DISC1: variants seen among roughly 807,000 people sequenced by gnomAD.
DISC1 encodes disrupted in schizophrenia 1 protein.
DISC1 carries 57 observed loss-of-function variants against 84.5 expected under a neutral mutation model. That is an observed-to-expected ratio of 0.67 (90% CI 0.55 to 0.84). The LOEUF (loss-of-function observed/expected upper bound fraction) is 0.84. Ranked by LOEUF, DISC1 falls within the 40% of genes least tolerant of loss-of-function variation. The pLI is 0.00. For synonymous variants in DISC1, 411 were observed against 415.2 expected (o/e 0.99, Z 0.12); for missense variants, 1,000 against 1,057.8 (o/e 0.95, Z 0.76).
At chr1:231,695,477 A>C (rs987048010) in intron 2 of DISC1, among the ~76,000 whole-genome samples, 1 of 152,178 alleles carries the variant, frequency 6.6e-6, no homozygotes, top group Non-Finnish European at 1.5e-5. Context: ...GGAAGTAGGT[A>C]GGGTTCCTCT....
chr1:231,789,762 C>T (rs1228075727), intron 6 of DISC1, among the ~76,000 whole-genome samples: 2 of 152,034 alleles, frequency 1.3e-5, no homozygotes, highest in Non-Finnish European at 2.9e-5. Flanking sequence ...ATTCCATTTG[C>T]CCTTCTAATT....
intron 6 of DISC1, among the ~76,000 whole-genome samples, chr1:231,788,298 A>G (rs1259462443): frequency 2.0e-5 from 3 of 152,100 alleles, no homozygotes; most frequent in African/African-American, 7.2e-5. Context: ...AAAAACAAAA[A>G]AAGTCCAAGA....
At chr1:231,741,798 T>A (rs547025383) in intron 3 of DISC1, among the ~76,000 whole-genome samples, 1 of 152,340 alleles carries the variant, frequency 6.6e-6, no homozygotes, top group South Asian at 2.1e-4. Flanking sequence ...ACAGCAACTT[T>A]GCTTTTCTGG....
intron 9 of DISC1, among the ~76,000 whole-genome samples, chr1:231,914,032 G>T (rs1480552124): frequency 6.6e-6 from 1 of 152,202 alleles, no homozygotes; most frequent in African/African-American, 2.4e-5. Flanking sequence ...CTTGCAACAA[G>T]GAAGGAGTTC....
At chr1:232,002,877 A>G (rs190548376) in intron 10 of DISC1, among the ~76,000 whole-genome samples, 134 of 152,292 alleles carry the variant, frequency 8.8e-4, no homozygotes, top group Non-Finnish European at 5.7e-4. Flanking sequence ...ATAAAATCAC[A>G]TAAAACTATG....
At chr1:231,848,326 G>T (rs1191248983) in intron 9 of DISC1, among the ~76,000 whole-genome samples, 1 of 152,150 alleles carries the variant, frequency 6.6e-6, no homozygotes, top group Non-Finnish European at 1.5e-5. Flanking sequence ...GCACATAGAA[G>T]CCTTACTATA....
intron 9 of DISC1, among the ~76,000 whole-genome samples, chr1:231,857,145 C>G (rs570597142): frequency 1.3e-5 from 2 of 152,232 alleles, no homozygotes; most frequent in South Asian, 4.1e-4. Flanking sequence ...TGGGAAAAAC[C>G]TGCAGCTGTC....
chr1:231,918,003 T>A (rs2089754304), intron 9 of DISC1, among the ~76,000 whole-genome samples: 1 of 152,238 alleles, frequency 6.6e-6, no homozygotes, highest in African/African-American at 2.4e-5. Context: ...CTACAAACAC[T>A]AAAACAGCAA....
At chr1:231,663,008 C>A (rs979400526) in intron 1 of DISC1, among the ~76,000 whole-genome samples, 1 of 151,206 alleles carries the variant, frequency 6.6e-6, no homozygotes, top group African/African-American at 2.4e-5. Flanking sequence ...AAGAAACAAA[C>A]AAGCAAACGA....
At chr1:231,653,375 C>T (rs1026677386) in intron 1 of DISC1, among the ~76,000 whole-genome samples, 7 of 152,190 alleles carry the variant, frequency 4.6e-5, no homozygotes, top group African/African-American at 1.2e-4. Flanking sequence ...AGGCCCTCTC[C>T]AGCGTGTGGT....
chr1:231,737,364 T>A (rs1223357056), intron 3 of DISC1, among the ~76,000 whole-genome samples: 1 of 152,260 alleles, frequency 6.6e-6, no homozygotes, highest in Non-Finnish European at 1.5e-5. Context: ...ATATTATTGC[T>A]GTTCTTTTAG....
chr1:231,640,806 G>A (rs961860787), intron 1 of DISC1, among the ~76,000 whole-genome samples: 2 of 152,148 alleles, frequency 1.3e-5, no homozygotes, highest in Admixed American at 1.3e-4. Flanking sequence ...AAAGGGCTGG[G>A]ATTATAGGCA....
At chr1:231,978,577 G>A (rs1420250955) in intron 10 of DISC1, among the ~76,000 whole-genome samples, 2 of 152,294 alleles carry the variant, frequency 1.3e-5, no homozygotes, top group South Asian at 2.1e-4. Context: ...GTGTATGAAT[G>A]TATGTGCATT....
chr1:232,012,097 A>G (rs1396157596), intron 11 of DISC1, among the ~76,000 whole-genome samples: 2 of 152,202 alleles, frequency 1.3e-5, no homozygotes, highest in Non-Finnish European at 2.9e-5. Context: ...TTTTGTTTCT[A>G]TCACTCTTTC....
At chr1:231,844,625 G>T (rs559612653) in intron 9 of DISC1, among the ~76,000 whole-genome samples, 14 of 152,248 alleles carry the variant, frequency 9.2e-5, no homozygotes, top group Non-Finnish European at 1.5e-4. Flanking sequence ...TTATAGGAAG[G>T]TTTAAAAATT....
chr1:231,656,460 C>T (rs1309672377), intron 1 of DISC1, among the ~76,000 whole-genome samples: 1 of 152,054 alleles, frequency 6.6e-6, no homozygotes, highest in African/African-American at 2.4e-5. Flanking sequence ...ACTTTTATAC[C>T]AATACCATGC....
chr1:231,795,393 A>C, intron 7 of DISC1, 97 bp downstream of exon 7: 1 of 1,088,074 alleles, frequency 9.2e-7, no homozygotes, highest in East Asian at 2.5e-5. Flanking sequence ...GCTTCTGCAA[A>C]AAAAGATGTA....
At chr1:231,938,626 T>A (rs1380466597) in intron 9 of DISC1, among the ~76,000 whole-genome samples, 1 of 152,238 alleles carries the variant, frequency 6.6e-6, no homozygotes, top group Non-Finnish European at 1.5e-5. Context: ...TCCTTCTGTG[T>A]TGGACCTCTG....
chr1:231,627,161 G>T (rs962274001), intron 1 of DISC1, among the ~76,000 whole-genome samples: 1 of 152,332 alleles, frequency 6.6e-6, no homozygotes, highest in Non-Finnish European at 1.5e-5. Context: ...CCCTGACCCA[G>T]GACTGTGCAG....
Sources: allele counts gnomAD v4.1 joint callset (sites outside exome capture counted in the v4.1 genomes callset), GRCh38; gene constraint gnomAD v4.1.1; transcripts MANE v1.5; gene names NCBI Gene and HGNC (gene_info 2026-07-23, HGNC 2026-07-21).